TENT2: variants seen among roughly 807,000 people sequenced by gnomAD.
TENT2 encodes the protein poly(A) RNA polymerase GLD2.
TENT2 carries 44 observed loss-of-function variants against 72.2 expected under a neutral mutation model. The observed-to-expected ratio is 0.61, with a 90% CI of 0.48 to 0.78. The LOEUF (loss-of-function observed/expected upper bound fraction) is 0.78, where lower values mean the gene tolerates loss of function less well. TENT2 is among the 30% of genes least tolerant of loss of function. The probability of loss-of-function intolerance (pLI) is 0.00; values close to 1 mark genes in which losing one functional copy is unlikely to be tolerated. For synonymous variants in TENT2, 212 were observed against 192.5 expected (o/e 1.10, Z -0.84); for missense variants, 541 against 569.6 (o/e 0.95, Z 0.51).
chr5:79,676,111 T>G (rs73121484), intron 12 of TENT2, among the ~76,000 whole-genome samples: 3,688 of 151,688 alleles, frequency 0.024, 149 homozygotes, highest in African/African-American at 0.085. Context: ...TATATATATT[T>G]GTTCACTTAA....
intron 8 of TENT2, among the ~76,000 whole-genome samples, chr5:79,646,106 C>T (rs1250351867): frequency 6.6e-6 from 1 of 152,076 alleles, no homozygotes; most frequent in African/African-American, 2.4e-5. Flanking sequence ...TAATTAATGC[C>T]ATATTTTTCA....
chr5:79,667,994 A>G (rs1009009563), intron 11 of TENT2, among the ~76,000 whole-genome samples: 3 of 151,836 alleles, frequency 2.0e-5, no homozygotes, highest in African/African-American at 7.3e-5. Flanking sequence ...GGAGAAATAC[A>G]GAAAACCATC....
At chr5:79,622,198 G>A (rs371858969) in intron 3 of TENT2, among the ~76,000 whole-genome samples, 3 of 152,082 alleles carry the variant, frequency 2.0e-5, no homozygotes, top group African/African-American at 7.2e-5. Context: ...CTACTCAGGC[G>A]GCTGAGGCAG....
chr5:79,671,415 T>C (rs1364018891), intron 12 of TENT2, among the ~76,000 whole-genome samples: 1 of 151,900 alleles, frequency 6.6e-6, no homozygotes, highest in South Asian at 2.1e-4. Context: ...TTTTCTTTTT[T>C]TTTTTTTGAA....
At chr5:79,670,229 AAAAG>A (rs1394343514) in intron 12 of TENT2, among the ~76,000 whole-genome samples, 28 of 152,188 alleles carry the variant, frequency 1.8e-4, no homozygotes, top group Non-Finnish European at 2.4e-4. Context: ...CAAAAAAAAA[AAAAG>A]AAAAAAGGAT....
intron 10 of TENT2, among the ~76,000 whole-genome samples, chr5:79,654,569 G>A (rs573946357): frequency 9.2e-5 from 14 of 152,136 alleles, no homozygotes; most frequent in African/African-American, 3.1e-4. Flanking sequence ...TCTTTGCAGA[G>A]CCTGGCCAAC....
chr5:79,680,633 G>T (rs34365218), intron 13 of TENT2, among the ~76,000 whole-genome samples: 1 of 151,896 alleles, frequency 6.6e-6, no homozygotes, highest in Non-Finnish European at 1.5e-5. Flanking sequence ...CTATTCTTCC[G>T]TACTTTTTCT....
At chr5:79,669,519 TAAAAC>T (rs893088652) in intron 12 of TENT2, among the ~76,000 whole-genome samples, 33 of 152,290 alleles carry the variant, frequency 2.2e-4, no homozygotes, top group African/African-American at 7.2e-4. Context: ...TATGTAAACA[TAAAAC>T]AAAGAATGTA....
intron 4 of TENT2, among the ~76,000 whole-genome samples, chr5:79,626,424 C>T (rs1026635502): frequency 3.3e-5 from 5 of 151,490 alleles, no homozygotes; most frequent in Non-Finnish European, 7.4e-5. Context: ...TCTCCTGCCT[C>T]AGCCTCCCGA....
intron 11 of TENT2, among the ~76,000 whole-genome samples, chr5:79,661,036 G>C (rs751078078): frequency 6.6e-6 from 1 of 152,010 alleles, no homozygotes; most frequent in Non-Finnish European, 1.5e-5. Flanking sequence ...ATAGAATAAG[G>C]ATATAAAGAA....
At chr5:79,674,828 A>T (rs1285345966) in intron 12 of TENT2, among the ~76,000 whole-genome samples, 1 of 152,232 alleles carries the variant, frequency 6.6e-6, no homozygotes, top group African/African-American at 2.4e-5. Flanking sequence ...AGAATCATTG[A>T]GATAGGAGGA....
intron 10 of TENT2, among the ~76,000 whole-genome samples, chr5:79,654,085 C>G (rs62365190): frequency 0.2 from 30,882 of 152,066 alleles, 4,629 homozygotes; most frequent in African/African-American, 0.42. Context: ...AAAGATGACT[C>G]ATCAAAGCAT....
chr5:79,640,727 T>C (rs1561502734), intron 4 of TENT2, 124 bp from the exon 5 acceptor site: 2 of 530,238 alleles, frequency 3.8e-6, no homozygotes, highest in Non-Finnish European at 6.6e-6. Flanking sequence ...TTGGGAAATA[T>C]TAAGAAGATA....
chr5:79,627,306 A>T (rs918556737), intron 4 of TENT2, among the ~76,000 whole-genome samples: 1 of 152,142 alleles, frequency 6.6e-6, no homozygotes, highest in African/African-American at 2.4e-5. Flanking sequence ...GGAGTAGGCA[A>T]ATTTTCAATT....
At chr5:79,661,107 G>T (rs1312594545) in intron 11 of TENT2, among the ~76,000 whole-genome samples, 1 of 152,138 alleles carries the variant, frequency 6.6e-6, no homozygotes, top group Non-Finnish European at 1.5e-5. Flanking sequence ...TTACAAAACA[G>T]CCTAAAAGTT....
At chr5:79,675,712 AT>A (rs1443969248) in intron 12 of TENT2, among the ~76,000 whole-genome samples, 2 of 152,142 alleles carry the variant, frequency 1.3e-5, no homozygotes, top group Non-Finnish European at 2.9e-5. Context: ...AAAGGGAGTG[AT>A]TTTAATAACT....
At chr5:79,642,811 A>T in intron 6 of TENT2, 21 bp from the exon 7 acceptor site, 1 of 1,580,030 alleles carries the variant, frequency 6.3e-7, no homozygotes. Flanking sequence ...ATGAAAAAAC[A>T]CTTTATTTTT....
intron 6 of TENT2, 105 bp downstream of exon 6, chr5:79,641,301 T>G: frequency 1.1e-6 from 1 of 947,452 alleles, no homozygotes; most frequent in South Asian, 2.2e-5. Flanking sequence ...TGTGATTACT[T>G]CTTTGAATTT....
intron 4 of TENT2, among the ~76,000 whole-genome samples, chr5:79,629,731 G>A (rs1337934677): frequency 6.6e-6 from 1 of 151,928 alleles, no homozygotes; most frequent in Admixed American, 6.6e-5. Context: ...GGAGGCTGAG[G>A]CAGGAGAATG....
Sources: allele counts gnomAD v4.1 joint callset (sites outside exome capture counted in the v4.1 genomes callset), GRCh38; gene constraint gnomAD v4.1.1; transcripts MANE v1.5; gene names NCBI Gene and HGNC (gene_info 2026-07-23, HGNC 2026-07-21).